Variants in SSBP3 observed in about 807,000 individuals in gnomAD.
SSBP3 encodes the protein single stranded DNA binding protein 3, also known as single-stranded DNA-binding protein 3.
Under a neutral mutation model 69.6 loss-of-function variants are expected in SSBP3, and 5 were observed. The observed-to-expected ratio is 0.07, with a 90% CI of 0.04 to 0.15. The LOEUF (loss-of-function observed/expected upper bound fraction) is 0.15. Among genes scored for constraint, SSBP3 ranks in the 10% least tolerant of loss-of-function variants. The probability of loss-of-function intolerance (pLI) is 1.00; values close to 1 mark genes in which losing one functional copy is unlikely to be tolerated. For missense variants in SSBP3, 312 were observed against 534.0 expected (o/e 0.58, Z 4.10); for synonymous variants, 196 against 193.4 (o/e 1.01, Z -0.11).
chr1:54,258,054 C>G lies in SSBP3; in HGVS notation c.447+15G>C. ...CCCGCGTCCCCGGCGGGCGGGAGCGCCACGGTGCGTTTACCTGACTGTGGG... is the reference window on the plus strand; with the variant it reads ...CCCGCGTCCCCGGCGGGCGGGAGCGGCACGGTGCGTTTACCTGACTGTGGG... On this transcript the variant is annotated intron_variant, in intron 6 of 17. Transcript: ENST00000610401. This position sits in a 1 kb window ranked among gnomAD's most constrained non-coding sequence, Gnocchi z 4.5. 1 of 1,575,018 alleles carries G rather than the reference C, an allele frequency of 6.3e-7. No individual in the cohort carries two copies. The highest frequency in any genetic ancestry group is 2.3e-5 in the East Asian group (1 of 43,442).
intron 4 of SSBP3, among the ~76,000 whole-genome samples, chr1:54,387,335 C>T (rs973840147): frequency 1.3e-5 from 2 of 152,186 alleles, no homozygotes; most frequent in Non-Finnish European, 2.9e-5. Flanking sequence ...ACAGCAAAAA[C>T]GAAGCTGCCA....
intron 4 of SSBP3, among the ~76,000 whole-genome samples, chr1:54,306,786 G>A (rs997444089): frequency 9.2e-5 from 14 of 151,954 alleles, no homozygotes; most frequent in African/African-American, 2.7e-4. Flanking sequence ...AACATAGCGA[G>A]ACCTGATCTC....
chr1:54,376,188 G>T (rs979817289), intron 4 of SSBP3, among the ~76,000 whole-genome samples: 1 of 149,374 alleles, frequency 6.7e-6, no homozygotes, highest in Non-Finnish European at 1.5e-5. Flanking sequence ...GCGTGCATGC[G>T]TGGGTGTGTG....
intron 5 of SSBP3, among the ~76,000 whole-genome samples, chr1:54,267,789 C>A (rs959320676): frequency 3.9e-5 from 6 of 152,184 alleles, no homozygotes; most frequent in Non-Finnish European, 1.5e-5. Flanking sequence ...TGTTTCTATA[C>A]CCTCTCTCAA....
intron 5 of SSBP3, among the ~76,000 whole-genome samples, chr1:54,268,983 A>G (rs2100807776): frequency 6.6e-6 from 1 of 152,298 alleles, no homozygotes; most frequent in Middle Eastern, 3.4e-3. Context: ...CCTGCCTCAC[A>G]GAGAACTGTC....
chr1:54,310,916 C>T (rs555845609), intron 4 of SSBP3, among the ~76,000 whole-genome samples: 51 of 152,338 alleles, frequency 3.3e-4, no homozygotes, highest in African/African-American at 1.2e-3. Flanking sequence ...AGCATGAATG[C>T]TTTTGGGTCT....
chr1:54,289,020 C>CAAAA lies in SSBP3; in HGVS notation c.277-7497_277-7494dup, dbSNP rs777871964. 6.6e-3 allele frequency among the ~76,000 whole-genome samples: 288 copies of CAAAA among 43,822 alleles called. 38 individuals carry two copies. The East Asian group carries it at 0.08, about 12-fold the overall frequency. 28.7% of individuals were successfully genotyped at this position (43,822 alleles called of 152,430 possible). ...GGGCGACAGAGCTAGACTCTGTCTC[C>CAAAA]AAAAAAAAAAAAAAAACAAAAAAAC... On this transcript the variant is annotated intron_variant, in intron 4 of 17. Coordinates refer to ENST00000610401, the Ensembl canonical transcript of SSBP3.
upstream of SSBP3, among the ~76,000 whole-genome samples, chr1:54,407,846 A>C (rs942003491): frequency 4.7e-5 from 7 of 149,704 alleles, no homozygotes; most frequent in Non-Finnish European, 8.9e-5. Flanking sequence ...CAATTAAAGG[A>C]TAGGTCAGTG....
At chr1:54,226,862 A>C in exon 18 of SSBP3, 1 of 465,078 alleles carries the variant, frequency 2.2e-6, no homozygotes. Flanking sequence ...GGAAAGGGCA[A>C]GGGGTGGGAT....
chr1:54,332,385 A>C (rs1238183450), intron 4 of SSBP3, among the ~76,000 whole-genome samples: 2 of 152,176 alleles, frequency 1.3e-5, no homozygotes, highest in African/African-American at 4.8e-5. Context: ...GGGAGTGTGG[A>C]GAGGATGATG....
intron 4 of SSBP3, among the ~76,000 whole-genome samples, chr1:54,304,452 A>G (rs1047282218): frequency 6.6e-6 from 1 of 152,230 alleles, no homozygotes; most frequent in Admixed American, 6.5e-5. Context: ...TTCTGGGCAC[A>G]GGGCTAGCTG....
intron 5 of SSBP3, among the ~76,000 whole-genome samples, chr1:54,263,629 A>G (rs1379226575): frequency 1.3e-5 from 2 of 152,184 alleles, no homozygotes; most frequent in Admixed American, 6.5e-5. Context: ...TGAAGGCCAC[A>G]TATCCTTTTT....
intron 13 of SSBP3, among the ~76,000 whole-genome samples, chr1:54,239,897 T>C (rs967175227): frequency 6.6e-6 from 1 of 151,954 alleles, no homozygotes; most frequent in Non-Finnish European, 1.5e-5. Context: ...AGCTAAAACG[T>C]TTCTATCAGG....
Position 54,316,656 on chromosome 1 carries a change from AAAATAAAATAAAT to A in SSBP3, c.277-35142_277-35130del, listed in dbSNP as rs1286782551. Among the ~76,000 whole-genome samples, 18 of 53,902 alleles carry A rather than the reference AAAATAAAATAAAT, an allele frequency of 3.3e-4. 2 individuals carry two copies. Among genetic ancestry groups the A allele is most frequent in the African/African-American group, 1.8e-3 (17 of 9,230 alleles). 35.4% of individuals were successfully genotyped at this position (53,902 alleles called of 152,430 possible). On this transcript the variant is annotated intron_variant, in intron 4 of 17. Coordinates refer to ENST00000610401, the Ensembl canonical transcript of SSBP3. ...GAGCGAGACTCCGTCTCAAAAAAAA[AAAATAAAATAAAT>A]AAATAAATAAATAAATAAATAAATA...
At chr1:54,391,864 G>A (rs970820654) in intron 4 of SSBP3, among the ~76,000 whole-genome samples, 1 of 152,064 alleles carries the variant, frequency 6.6e-6, no homozygotes, top group East Asian at 1.9e-4. Context: ...CTCCACGGGG[G>A]GCAAGGAACC....
At chr1:54,241,340 G>C (rs1302706001) in intron 12 of SSBP3, 134 bp downstream of exon 12, 9 of 1,026,456 alleles carry the variant, frequency 8.8e-6, no homozygotes, top group Non-Finnish European at 1.2e-5. Context: ...AATATTGACA[G>C]CAAGTTCTAG....
intron 4 of SSBP3, among the ~76,000 whole-genome samples, chr1:54,294,159 A>AAAAAGAAAG (rs754650225): frequency 4.8e-4 from 41 of 86,182 alleles, no homozygotes; most frequent in Non-Finnish European, 5.6e-4. Context: ...AAAAAAAAAA[A>AAAAAGAAAG]AAAGAAAGAA....
At position 54,233,925 on chromosome 1, in the gene SSBP3, A is replaced by G. The variant is rs553647125; in HGVS notation, c.928-5099T>C. ...AATAGAAAGGCGGGAAAGGTGGGGA[A>G]AAGATTGAGAAATCGGATGGTTGCC... On this transcript the variant is annotated intron_variant, in intron 14 of 17. Coordinates refer to ENST00000610401, the Ensembl canonical transcript of SSBP3. 1.6e-3 allele frequency among the ~76,000 whole-genome samples: 238 copies of G among 152,352 alleles called. 1 individual carries two copies. Among genetic ancestry groups the G allele is most frequent in the Non-Finnish European group, 2.2e-3 (149 of 68,028 alleles).
At chr1:54,276,623 A>AAAAAAAT (rs1645293481) in intron 5 of SSBP3, among the ~76,000 whole-genome samples, 1 of 150,676 alleles carries the variant, frequency 6.6e-6, no homozygotes, top group Non-Finnish European at 1.5e-5. Context: ...AAAAAAAAAA[A>AAAAAAAT]AAAAAAAAAA....
Sources: gnomAD v4.1 joint callset for allele counts (sites outside exome capture counted in the v4.1 genomes callset) on GRCh38, gnomAD v4.1.1 for gene constraint, Gnocchi (gnomAD v3.1) non-coding constraint, MANE v1.5 for transcripts, NCBI Gene and HGNC (gene_info 2026-07-23, HGNC 2026-07-21) for gene names.